The following SMAD2 variants were observed in gnomAD, a reference collection of about 807,000 sequenced individuals.
The protein encoded by SMAD2 is SMAD family member 2, also known as MAD homolog 2.
A neutral mutation model predicts 64.4 loss-of-function variants in SMAD2; 8 were observed. The ratio of observed to expected loss-of-function variants is 0.12; its 90% confidence interval spans 0.07 to 0.22. SMAD2 has a LOEUF of 0.22. SMAD2 is among the 10% of genes least tolerant of loss of function. The pLI, the probability that SMAD2 is intolerant of heterozygous loss-of-function variation, is 1.00. For synonymous variants in SMAD2, 203 were observed against 195.8 expected, an observed-to-expected ratio of 1.04 and a Z score of -0.31; for missense variants, 289 against 561.2, an observed-to-expected ratio of 0.51 and a Z score of 4.90.
At chr18:47,878,927 G>C (rs768621265) in intron 2 of SMAD2, among the ~76,000 whole-genome samples, 8 of 152,080 alleles carry the variant, frequency 5.3e-5, no homozygotes, top group African/African-American at 9.7e-5. Context: ...AAAAATAAGG[G>C]TGTATGTGGG....
At chr18:47,918,217 C>T (rs952116393) in intron 1 of SMAD2, among the ~76,000 whole-genome samples, 1 of 152,096 alleles carries the variant, frequency 6.6e-6, no homozygotes, top group African/African-American at 2.4e-5. Flanking sequence ...AAACAAAATC[C>T]CTGGACTAGG....
Position 47,833,823 on chromosome 18 carries a change from G to T in SMAD2, c.*8004C>A, listed in dbSNP as rs76248022. The T allele has an allele frequency of 0.025, 5,747 of 230,730 alleles. 312 individuals carry two copies. Among genetic ancestry groups the T allele is most frequent in the African/African-American group, 0.12 (5,375 of 45,252 alleles). 14.3% of individuals were successfully genotyped at this position (230,730 alleles called of 1,614,324 possible). The stretch of plus-strand genomic sequence containing the variant: ...TAGACGCCAGAGCATCAAAGGCCAT[G>T]TATTTCCTCACAAGAAAAGAAATCT... On this transcript the variant is annotated 3_prime_UTR_variant, in exon 11 of 11. Coordinates refer to ENST00000262160, the MANE Select transcript of SMAD2 (RefSeq NM_005901.6).
intron 1 of SMAD2, among the ~76,000 whole-genome samples, chr18:47,925,291 C>A (rs901037186): frequency 1.3e-5 from 2 of 152,160 alleles, no homozygotes; most frequent in Non-Finnish European, 2.9e-5. Flanking sequence ...AAGAATTAAT[C>A]ACGTCAGAAT....
In SMAD2 at chr18:47,830,070, T is replaced by C. The variant is rs920623525; in HGVS notation, c.*11757A>G. 1.3e-5 allele frequency: 2 copies of C among 152,364 alleles called. No individual in the cohort carries two copies. The highest frequency in any genetic ancestry group is 6.5e-5 in the Admixed American group (1 of 15,306). 9.4% of individuals were successfully genotyped at this position (152,364 alleles called of 1,614,324 possible). Reference sequence around the variant, plus strand: ...AGATGAAAGCATTCAATTATCTCTATAAAATTCAATTCCTTAGAATATGTG... The same window carrying C: ...AGATGAAAGCATTCAATTATCTCTACAAAATTCAATTCCTTAGAATATGTG... On this transcript the variant is annotated 3_prime_UTR_variant, in exon 11 of 11. Transcript: ENST00000262160.
Position 47,826,116 on chromosome 18 carries a change from A to T in SMAD2, c.*15711T>A, listed in dbSNP as rs1912744724. 1 of 152,212 alleles carries T rather than the reference A, an allele frequency of 6.6e-6. No homozygotes were observed. Among genetic ancestry groups the T allele is most frequent in the Non-Finnish European group, 1.5e-5 (1 of 68,054 alleles). The allele number at this position is 152,212 out of a possible 1,614,324, so 9.4% of individuals were successfully genotyped here. A position where few individuals can be genotyped will look rare whatever the true frequency, so the allele number is the denominator to read the frequency against. On this transcript the variant is annotated 3_prime_UTR_variant, in exon 11 of 11. Transcript: ENST00000262160. ...ACAATGATTAACCTTTAGATAGAAA[A>T]CACAATCCTTTGCTTTTGTCTTCCT...
chr18:47,907,730 T>C (rs940403651), intron 1 of SMAD2, among the ~76,000 whole-genome samples: 1 of 152,082 alleles, frequency 6.6e-6, no homozygotes, highest in Non-Finnish European at 1.5e-5. Context: ...GGCAGACAGA[T>C]TGCTTGATTT....
chr18:47,919,828 G>C (rs1006279122), intron 1 of SMAD2, among the ~76,000 whole-genome samples: 9 of 152,120 alleles, frequency 5.9e-5, no homozygotes, highest in Non-Finnish European at 1.2e-4. Flanking sequence ...TGATTCCAAA[G>C]ATTACAACGC....
At chr18:47,877,782 C>CA (rs1328973938) in intron 2 of SMAD2, among the ~76,000 whole-genome samples, 2 of 151,536 alleles carry the variant, frequency 1.3e-5, no homozygotes, top group African/African-American at 2.4e-5. Context: ...ATTACAGATG[C>CA]AAAAAACTGT....
intron 2 of SMAD2, among the ~76,000 whole-genome samples, chr18:47,882,041 C>CTTTTTTTTTTTTTTGTTTTTTTT (rs2032626528): frequency 2.6e-5 from 1 of 38,850 alleles, no homozygotes; most frequent in Non-Finnish European, 4.8e-5. Context: ...CCACGCTTGG[C>CTTTTTTTTTTTTTTGTTTTTTTT]TTTTTTTTTT....
chr18:47,883,896 C>A (rs1333700945), intron 2 of SMAD2, among the ~76,000 whole-genome samples: 2 of 152,160 alleles, frequency 1.3e-5, no homozygotes, highest in African/African-American at 4.8e-5. Flanking sequence ...AGGTTTCAAG[C>A]CCCACCATTT....
At chr18:47,877,163 T>C (rs1451105602) in intron 2 of SMAD2, among the ~76,000 whole-genome samples, 1 of 136,856 alleles carries the variant, frequency 7.3e-6, no homozygotes, top group Non-Finnish European at 1.6e-5. Context: ...AACAGTGTAT[T>C]TTTTTTTTTT....
rs1202145474 is a variant in SMAD2, at chr18:47,825,663, C to T, written c.*16164G>A. 3 of 152,242 alleles carry T rather than the reference C, an allele frequency of 2.0e-5. No individual in the cohort carries two copies. In the East Asian group the frequency reaches 5.8e-4, roughly 29 times the overall value. The allele number at this position is 152,242 out of a possible 1,614,324, so 9.4% of individuals were successfully genotyped here. ...AAGACAGGCACACAAAAGCTGAGGACTGCTGTCGACTCCACTTTCAAGGGC... is the reference window on the plus strand; with the variant it reads ...AAGACAGGCACACAAAAGCTGAGGATTGCTGTCGACTCCACTTTCAAGGGC... On this transcript the variant is annotated 3_prime_UTR_variant, in exon 11 of 11. Coordinates refer to ENST00000262160, the MANE Select transcript of SMAD2 (RefSeq NM_005901.6).
intron 5 of SMAD2, among the ~76,000 whole-genome samples, chr18:47,867,707 C>T (rs79740857): frequency 0.036 from 5,370 of 150,284 alleles, 127 homozygotes; most frequent in Non-Finnish European, 0.055. Context: ...GATATCATAT[C>T]GTGGAGTATT....
intron 1 of SMAD2, among the ~76,000 whole-genome samples, chr18:47,929,243 CT>C (rs756098652): frequency 5.9e-5 from 9 of 152,080 alleles, no homozygotes; most frequent in Admixed American, 1.3e-4. Context: ...AAGATGGAAA[CT>C]TTTTAAAGGG....
chr18:47,918,970 T>C (rs983837943), intron 1 of SMAD2, among the ~76,000 whole-genome samples: 1 of 152,048 alleles, frequency 6.6e-6, no homozygotes, highest in Non-Finnish European at 1.5e-5. Flanking sequence ...TGGGAGTTTC[T>C]AGATGGAAAG....
chr18:47,908,018 C>T lies in SMAD2; in HGVS notation c.-53-11209G>A, dbSNP rs564231656. ...ACAATTCAAAAAAATTTAAAAGGTG[C>T]CTGGACAAACACATTAAGAAGTTCC... On this transcript the variant is annotated intron_variant, in intron 1 of 10. Coordinates refer to ENST00000262160, the MANE Select transcript of SMAD2 (RefSeq NM_005901.6). Among the ~76,000 whole-genome samples, 157 of 152,242 alleles carry T rather than the reference C, an allele frequency of 1.0e-3. 1 individual carries two copies. The South Asian group carries it at 0.014, about 13-fold the overall frequency.
intron 2 of SMAD2, among the ~76,000 whole-genome samples, chr18:47,880,824 T>C (rs2032542886): frequency 6.6e-6 from 1 of 152,208 alleles, no homozygotes; most frequent in Admixed American, 6.5e-5. Context: ...AACTCTGTCC[T>C]GGAGCAATTC....
chr18:47,903,876 T>TGTGG (rs1187503991), intron 1 of SMAD2, among the ~76,000 whole-genome samples: 8 of 49,052 alleles, frequency 1.6e-4, no homozygotes, highest in African/African-American at 3.3e-4. Context: ...AAAAACAGTG[T>TGTGG]GGGGGGGGGG....
In SMAD2 at chr18:47,841,934, T is replaced by C. The variant is rs1913990153; in HGVS notation, c.1297A>G (p.Ser433Gly). 1 of 1,614,056 alleles carries C rather than the reference T, an allele frequency of 6.2e-7. No homozygotes were observed. The highest frequency in any genetic ancestry group is 1.7e-5 in the Admixed American group (1 of 60,010). Reference protein sequence around the residue: ...GAEYRRQTVTSTPCWIELHLN... With the variant: ...GAEYRRQTVTGTPCWIELHLN... ...TGAAGTTCAATCCAGCAAGGAGTAC[T>C]TGTTACCGTCTGCCTTCTGTTTAAA... Residue 433 changes from serine to glycine, a missense_variant, in exon 11 of 11, where the codon AGT becomes GGT. Transcript: ENST00000262160.
Sources: allele counts gnomAD v4.1 joint callset (sites outside exome capture counted in the v4.1 genomes callset), GRCh38; gene constraint gnomAD v4.1.1; transcripts MANE v1.5; gene names NCBI Gene and HGNC (gene_info 2026-07-23, HGNC 2026-07-21).